The following SCN1A variants were observed in gnomAD, a reference collection of about 807,000 sequenced individuals.
SCN1A encodes sodium channel protein type 1 subunit alpha.
Under a neutral mutation model 193.7 loss-of-function variants are expected in SCN1A, and 13 were observed. That is an observed-to-expected ratio of 0.07 (90% confidence interval 0.04 to 0.11). The LOEUF is 0.11. Among genes scored for constraint, SCN1A ranks in the 10% least tolerant of loss-of-function variants. SCN1A has a pLI of 1.00. For missense variants in SCN1A, 1,432 were observed against 2,451.1 expected (o/e 0.58, Z 8.78); for synonymous variants, 781 against 843.6 (o/e 0.93, Z 1.29).
At chr2:166,131,351 G>A (rs548995989), upstream of SCN1A, among the ~76,000 whole-genome samples, 158 of 151,574 alleles carry the variant, frequency 1.0e-3, no homozygotes, top group African/African-American at 3.6e-3. Flanking sequence ...GAGAATGAAG[G>A]CGTAAGATGT....
In SCN1A at chr2:166,039,451, C is replaced by T; in HGVS notation, c.2561G>A (p.Gly854Glu). Residue 854 changes from glycine to glutamate, a missense_variant, in exon 17 of 29, where the codon GGA becomes GAA. By Grantham distance (98) the Gly-to-Glu change is moderately conservative. Transcript: ENST00000674923. ...LVELGLANVE[G>E]LSVLRSFRLL... Reference sequence around the variant, plus strand: ...TCGAAATGAACGGAGAACAGATAATCCTTCCACATTGGCGAGTCCAAGTTC... The same window carrying T: ...TCGAAATGAACGGAGAACAGATAATTCTTCCACATTGGCGAGTCCAAGTTC... 1 of 1,609,584 alleles carries T rather than the reference C, an allele frequency of 6.2e-7. No individual in the cohort carries two copies. The highest frequency in any genetic ancestry group is 8.5e-7 in the Non-Finnish European group (1 of 1,178,342).
chr2:166,093,372 T>C (rs959763216), intron 2 of SCN1A, among the ~76,000 whole-genome samples: 6 of 151,956 alleles, frequency 3.9e-5, no homozygotes, highest in Non-Finnish European at 7.4e-5. Flanking sequence ...GGAGTCTCAC[T>C]CTGTCGCCCA....
chr2:166,051,295 A>C (rs1698527133), intron 9 of SCN1A, among the ~76,000 whole-genome samples: 1 of 152,062 alleles, frequency 6.6e-6, no homozygotes, highest in Non-Finnish European at 1.5e-5. Context: ...AAATATAAAT[A>C]ATCTATTATT....
chr2:166,041,328 G>A lies in SCN1A; in HGVS notation c.2318C>T (p.Ala773Val). 6.2e-7 allele frequency: 1 copy of A among 1,613,736 alleles called. No individual in the cohort carries two copies. Among genetic ancestry groups the A allele is most frequent in the Non-Finnish European group, 8.5e-7 (1 of 1,179,784 alleles). The change falls in exon 16 of 29, where the codon GCC (alanine) becomes GTC (valine). Residue 773 changes from alanine to valine, a missense_variant. Ala to Val is a moderately conservative substitution (Grantham distance 64). Transcript: ENST00000674923. ...LVVMDPFVDL[A>V]ITICIVLNTL... ...ATTTAAGACAATACAGATGGTGATG[G>A]CCAGGTCAACAAATGGGTCCATCAC...
At chr2:165,997,529 G>A (rs1420893733) in intron 26 of SCN1A, among the ~76,000 whole-genome samples, 3 of 151,016 alleles carry the variant, frequency 2.0e-5, no homozygotes, top group Non-Finnish European at 3.0e-5. Context: ...AGACTGAAAC[G>A]GATAGCTTGT....
chr2:166,049,526 A>G (rs953716348), intron 9 of SCN1A, among the ~76,000 whole-genome samples: 1 of 152,052 alleles, frequency 6.6e-6, no homozygotes, highest in Non-Finnish European at 1.5e-5. Flanking sequence ...TCAACAACTG[A>G]AATGAAAGCA....
intron 9 of SCN1A, among the ~76,000 whole-genome samples, chr2:166,050,927 C>T (rs2105885401): frequency 6.6e-6 from 1 of 151,858 alleles, no homozygotes; most frequent in African/African-American, 2.4e-5. Flanking sequence ...TAAACTATAA[C>T]ACTCTGAAGC....
Position 166,006,039 on chromosome 2 carries a change from T to C in SCN1A, c.4003-3286A>G, listed in dbSNP as rs548233482. On this transcript the variant is annotated intron_variant, in intron 23 of 28. Transcript: ENST00000674923. Reference sequence around the variant, plus strand: ...ACTAAATGAAGGATTGATAATTAAATATGCAAATTCACATTAGAAATTTTC... The same window carrying C: ...ACTAAATGAAGGATTGATAATTAAACATGCAAATTCACATTAGAAATTTTC... 5.3e-5 allele frequency among the ~76,000 whole-genome samples: 8 copies of C among 151,516 alleles called. No homozygotes were observed. The South Asian group carries it at 1.5e-3, about 27-fold the overall frequency.
chr2:166,038,246 C>T (rs1390053174), intron 17 of SCN1A, 114 bp from the exon 18 acceptor site: 1 of 854,864 alleles, frequency 1.2e-6, no homozygotes, highest in Non-Finnish European at 1.8e-6. Context: ...CTGATCTGCC[C>T]TAACCGTCTC....
At chr2:166,067,461 A>G (rs1289494643) in intron 4 of SCN1A, among the ~76,000 whole-genome samples, 2 of 145,178 alleles carry the variant, frequency 1.4e-5, no homozygotes, top group Non-Finnish European at 3.0e-5. Flanking sequence ...AGATTCCATC[A>G]CTGACTTCTC....
chr2:166,142,317 T>C (rs963457761), intron 1 of SCN1A, among the ~76,000 whole-genome samples: 1 of 152,214 alleles, frequency 6.6e-6, no homozygotes, highest in Non-Finnish European at 1.5e-5. Flanking sequence ...TGTCAGGGCA[T>C]TGACTGATAA....
intron 6 of SCN1A, 141 bp from the exon 7 acceptor site, chr2:166,054,907 ACGTAGCCCTAAAT>A: frequency 1.3e-6 from 1 of 753,760 alleles, no homozygotes; most frequent in Non-Finnish European, 2.1e-6. Flanking sequence ...TACAAATGAA[ACGTAGCCCTAAAT>A]TTAAATTCAG....
chr2:166,090,230 C>T (rs1333070749), intron 2 of SCN1A, among the ~76,000 whole-genome samples: 3 of 151,716 alleles, frequency 2.0e-5, no homozygotes, highest in Non-Finnish European at 4.4e-5. Flanking sequence ...CAGTATCTCT[C>T]TATGTTGCCC....
chr2:166,021,660 C>G (rs1694088154), intron 19 of SCN1A, among the ~76,000 whole-genome samples: 2 of 152,086 alleles, frequency 1.3e-5, no homozygotes, highest in African/African-American at 4.8e-5. Context: ...TTCTAAAATG[C>G]TATATGCTTA....
intron 2 of SCN1A, among the ~76,000 whole-genome samples, chr2:166,096,073 C>T (rs527391264): frequency 3.9e-5 from 6 of 152,236 alleles, no homozygotes; most frequent in Non-Finnish European, 8.8e-5. Context: ...ACATGTCTTA[C>T]AAACATTCAC....
chr2:166,009,904 A>G lies in SCN1A; in HGVS notation c.3880-63T>C, dbSNP rs546178547. The G allele has an allele frequency of 5.5e-6, 8 of 1,459,414 alleles. No homozygotes were observed. In the South Asian group the frequency reaches 5.7e-5, roughly 10 times the overall value. The allele number at this position is 1,459,414 out of a possible 1,614,324, so 90.4% of individuals were successfully genotyped here. A position where few individuals can be genotyped will look rare whatever the true frequency, so the allele number is the denominator to read the frequency against. ...TCATCATTCAATGTGTAGTTGCTAT[A>G]TAATACAACAAGTATAATTTTTGCT... On this transcript the variant is annotated intron_variant, in intron 22 of 28. Coordinates refer to ENST00000674923, the MANE Select transcript of SCN1A (RefSeq NM_001165963.4).
At chr2:166,107,455 AAC>A (rs548203791) in intron 2 of SCN1A, among the ~76,000 whole-genome samples, 1 of 152,318 alleles carries the variant, frequency 6.6e-6, no homozygotes, top group South Asian at 2.1e-4. Flanking sequence ...TTCAAAATTC[AAC>A]AGTTATAAAA....
At chr2:166,067,667 A>G (rs1005768483) in intron 4 of SCN1A, among the ~76,000 whole-genome samples, 2 of 150,814 alleles carry the variant, frequency 1.3e-5, no homozygotes, top group Non-Finnish European at 3.0e-5. Context: ...CAGTAATTAT[A>G]CTGATATTAT....
chr2:166,030,416 C>A (rs7598539), intron 19 of SCN1A, among the ~76,000 whole-genome samples: 1 of 149,170 alleles, frequency 6.7e-6, no homozygotes, highest in Non-Finnish European at 1.5e-5. Context: ...CTAAGGACCT[C>A]ACATTTTTAC....
Sources: gnomAD v4.1 joint callset for allele counts (sites outside exome capture counted in the v4.1 genomes callset) on GRCh38, gnomAD v4.1.1 for gene constraint, MANE v1.5 for transcripts, NCBI Gene and HGNC (gene_info 2026-07-23, HGNC 2026-07-21) for gene names.